TSHZ2: variants seen among roughly 807,000 people sequenced by gnomAD.
The protein encoded by TSHZ2 is teashirt homolog 2.
A neutral mutation model predicts 74.4 loss-of-function variants in TSHZ2; 21 were observed. The ratio of observed to expected loss-of-function variants is 0.28; its 90% CI spans 0.20 to 0.41. TSHZ2 has a LOEUF of 0.41. TSHZ2 is among the 10% of genes least tolerant of loss of function. The pLI, the probability that TSHZ2 is intolerant of heterozygous loss-of-function variation, is 1.00. For missense variants in TSHZ2, 1,244 were observed against 1,293.5 expected, an observed-to-expected ratio of 0.96 and a Z score of 0.59; for synonymous variants, 540 against 515.3, an observed-to-expected ratio of 1.05 and a Z score of -0.65.
At chr20:53,435,419 G>T (rs551988195) in intron 2 of TSHZ2, among the ~76,000 whole-genome samples, 2 of 152,300 alleles carry the variant, frequency 1.3e-5, no homozygotes, top group South Asian at 4.1e-4. Context: ...AGCACATATT[G>T]CAGAAAGAAC....
At chr20:53,403,708 T>C (rs948268542) in intron 2 of TSHZ2, among the ~76,000 whole-genome samples, 2 of 152,228 alleles carry the variant, frequency 1.3e-5, no homozygotes, top group Admixed American at 6.5e-5. Flanking sequence ...TGAGAGAATG[T>C]GCTGGTGCTT....
intron 1 of TSHZ2, among the ~76,000 whole-genome samples, chr20:53,015,944 A>G (rs73284178): frequency 0.012 from 1,859 of 152,296 alleles, 42 homozygotes; most frequent in African/African-American, 0.043. Context: ...AAAGGGAAGA[A>G]TTTTTAAAAA....
intron 2 of TSHZ2, among the ~76,000 whole-genome samples, chr20:53,318,454 T>A (rs1254392271): frequency 6.6e-6 from 1 of 152,156 alleles, no homozygotes; most frequent in Non-Finnish European, 1.5e-5. Flanking sequence ...ATTAAGACAA[T>A]TGTTTCATCT....
At chr20:53,209,850 T>C (rs1417623911) in intron 1 of TSHZ2, among the ~76,000 whole-genome samples, 2 of 152,158 alleles carry the variant, frequency 1.3e-5, no homozygotes, top group Admixed American at 1.3e-4. Context: ...TGGACCCTGT[T>C]GCACAGCAGG....
intron 2 of TSHZ2, among the ~76,000 whole-genome samples, chr20:53,258,071 G>A (rs1004803634): frequency 4.6e-5 from 7 of 152,174 alleles, no homozygotes; most frequent in East Asian, 1.9e-4. Flanking sequence ...TGAGTGAGGC[G>A]ATCTACGCTT....
rs534881966 is a variant in TSHZ2 at position 53,107,423 on chromosome 20, G to A, written c.40+134090G>A. Among the ~76,000 whole-genome samples, 22 of 152,254 alleles carry A rather than the reference G, an allele frequency of 1.4e-4. No homozygotes were observed. In the South Asian group the frequency reaches 1.5e-3, roughly 10 times the overall value. ...AATTTGTGAAAAAAGCATCTGTCAC[G>A]TAACAAAAGCAGCACCACCTCGCCT... is the stretch of plus-strand genomic sequence containing the variant. On this transcript the variant is annotated intron_variant, in intron 1 of 2. Transcript: ENST00000371497.
Position 53,488,531 on chromosome 20 carries a change from A to G in TSHZ2, c.*1396A>G, listed in dbSNP as rs1466582600. 6.0e-6 allele frequency: 1 copy of G among 167,940 alleles called. No homozygotes were observed. The highest frequency in any genetic ancestry group is 5.8e-5 in the Admixed American group (1 of 17,128). The allele number at this position is 167,940 out of a possible 1,614,324, so 10.4% of individuals were successfully genotyped here. A position where few individuals can be genotyped will look rare whatever the true frequency, so the allele number is the denominator to read the frequency against. On this transcript the variant is annotated 3_prime_UTR_variant, in exon 3 of 3. Transcript: ENST00000371497. ...AAAGCAACCTATAATAGATAAATCC[A>G]TCATTGCATTTAAACAATGAATTTC...
intron 2 of TSHZ2, among the ~76,000 whole-genome samples, chr20:53,426,039 C>A (rs758738329): frequency 2.0e-5 from 3 of 152,160 alleles, no homozygotes; most frequent in Non-Finnish European, 4.4e-5. Flanking sequence ...ATTAATCTAC[C>A]AATATCTGAA....
intron 2 of TSHZ2, among the ~76,000 whole-genome samples, chr20:53,264,862 C>T (rs752692321): frequency 3.9e-5 from 6 of 152,134 alleles, no homozygotes; most frequent in Non-Finnish European, 7.3e-5. Flanking sequence ...TGATGGAAAA[C>T]ATGGCAGTGT....
In TSHZ2 at chr20:53,491,723, G is replaced by C. The variant is rs1204337977; in HGVS notation, c.*4588G>C. On this transcript the variant is annotated 3_prime_UTR_variant, in exon 3 of 3. Transcript: ENST00000371497. ...TAGAAATGTGTTATGGATTAGAATA[G>C]GACTGTTTTAAAATGCTAGTACCAG... The C allele has an allele frequency of 6.6e-6, 1 of 152,168 alleles. No homozygotes were observed. Among genetic ancestry groups the C allele is most frequent in the Non-Finnish European group, 1.5e-5 (1 of 68,028 alleles). The allele number at this position is 152,168 out of a possible 1,614,324, so 9.4% of individuals were successfully genotyped here. A position where few individuals can be genotyped will look rare whatever the true frequency, so the allele number is the denominator to read the frequency against.
intron 2 of TSHZ2, among the ~76,000 whole-genome samples, chr20:53,284,703 C>A (rs778346720): frequency 6.6e-6 from 1 of 151,826 alleles, no homozygotes; most frequent in Non-Finnish European, 1.5e-5. Context: ...GATTTTCCCC[C>A]CTACACGCCC....
At chr20:53,201,468 C>T (rs1314758945) in intron 1 of TSHZ2, among the ~76,000 whole-genome samples, 3 of 152,140 alleles carry the variant, frequency 2.0e-5, no homozygotes, top group Non-Finnish European at 4.4e-5. Context: ...TCCCTGACTC[C>T]GATTCTCCCA....
At chr20:53,472,407 T>G (rs1329994548) in intron 2 of TSHZ2, among the ~76,000 whole-genome samples, 1 of 152,124 alleles carries the variant, frequency 6.6e-6, no homozygotes, top group Non-Finnish European at 1.5e-5. Context: ...GGCTGAAAGT[T>G]GAGTCATATG....
chr20:53,237,038 T>C (rs1989957300), intron 1 of TSHZ2, among the ~76,000 whole-genome samples: 1 of 152,218 alleles, frequency 6.6e-6, no homozygotes, highest in Admixed American at 6.5e-5. Context: ...GTTTGACTTC[T>C]GGAAGCCTAA....
intron 1 of TSHZ2, among the ~76,000 whole-genome samples, chr20:52,974,162 T>C (rs1346552135): frequency 6.6e-6 from 1 of 152,228 alleles, no homozygotes; most frequent in Non-Finnish European, 1.5e-5. Flanking sequence ...AATTGCTTTT[T>C]TAATAGTATG....
intron 2 of TSHZ2, among the ~76,000 whole-genome samples, chr20:53,367,122 G>A (rs1226503647): frequency 1.3e-5 from 2 of 152,066 alleles, no homozygotes; most frequent in Admixed American, 6.5e-5. Context: ...TCAGCCGGGC[G>A]TGGTGACTCA....
At chr20:53,361,091 G>A (rs35434239) in intron 2 of TSHZ2, among the ~76,000 whole-genome samples, 8,411 of 152,202 alleles carry the variant, frequency 0.055, 257 homozygotes, top group Non-Finnish European at 0.061. Flanking sequence ...TTGCCCCAGC[G>A]TGGCTGTGCT....
intron 1 of TSHZ2, among the ~76,000 whole-genome samples, chr20:53,133,983 A>AT: frequency 6.6e-6 from 1 of 152,042 alleles, no homozygotes; most frequent in Admixed American, 6.6e-5. Flanking sequence ...AAAAAAAAAA[A>AT]ATAGGCCACG....
chr20:53,335,599 C>A (rs1383188079), intron 2 of TSHZ2, among the ~76,000 whole-genome samples: 1 of 152,208 alleles, frequency 6.6e-6, no homozygotes. Flanking sequence ...TCGGAAGAAT[C>A]ATCTCAATCA....
Sources: gnomAD v4.1 joint callset for allele counts (sites outside exome capture counted in the v4.1 genomes callset) on GRCh38, gnomAD v4.1.1 for gene constraint, MANE v1.5 for transcripts, NCBI Gene and HGNC (gene_info 2026-07-23, HGNC 2026-07-21) for gene names.